Variants in CLYBL observed in about 807,000 individuals in gnomAD.
CLYBL encodes citramalyl-CoA lyase.
In CLYBL, 31 loss-of-function variants were observed where a neutral mutation model predicts 38.9. The ratio of observed to expected loss-of-function variants is 0.80; its 90% CI spans 0.60 to 1.08. The LOEUF (loss-of-function observed/expected upper bound fraction) is 1.08, where lower values mean the gene tolerates loss of function less well. CLYBL is among the 50% of genes least tolerant of loss of function. The probability of loss-of-function intolerance (pLI) is 0.00; values close to 1 mark genes in which losing one functional copy is unlikely to be tolerated. For synonymous variants in CLYBL, 171 were observed against 158.6 expected (o/e 1.08, Z -0.59); for missense variants, 434 against 411.6 (o/e 1.05, Z -0.47).
intron 2 of CLYBL, among the ~76,000 whole-genome samples, chr13:99,838,599 A>G (rs2050993492): frequency 6.6e-6 from 1 of 152,202 alleles, no homozygotes; most frequent in Admixed American, 6.5e-5. Context: ...TAAATGCTGT[A>G]ATCTTCCCAT....
intron 1 of CLYBL, among the ~76,000 whole-genome samples, chr13:99,621,827 T>C (rs980057799): frequency 6.6e-6 from 1 of 152,112 alleles, no homozygotes; most frequent in African/African-American, 2.4e-5. Context: ...ACAATTCTTC[T>C]TCCAGTGTGG....
rs113239656 is a variant in CLYBL at position 99,739,925 on chromosome 13, C to A, written c.63-32899C>A. 2.0e-5 allele frequency among the ~76,000 whole-genome samples: 3 copies of A among 151,906 alleles called. No homozygotes were observed. In the East Asian group the frequency reaches 5.8e-4, roughly 29 times the overall value. On this transcript the variant is annotated intron_variant, in intron 1 of 8. Coordinates refer to ENST00000339105, the MANE Select transcript of CLYBL (RefSeq NM_206808.5). ...GGCGGAGGTTGCAGTGAGTCAAGAT[C>A]GTACCATTGCACTCCGGCCTGGGCA...
intron 2 of CLYBL, among the ~76,000 whole-genome samples, chr13:99,840,088 G>A (rs1385248468): frequency 2.0e-5 from 3 of 151,236 alleles, no homozygotes; most frequent in South Asian, 4.2e-4. Flanking sequence ...GGAACTCTGA[G>A]GGCTTCAAAC....
intron 1 of CLYBL, among the ~76,000 whole-genome samples, chr13:99,608,643 G>T (rs938983087): frequency 3.9e-5 from 6 of 152,086 alleles, no homozygotes; most frequent in African/African-American, 9.7e-5. Context: ...ACGCCAGTAC[G>T]CTGGGGGTTA....
At chr13:99,621,963 G>A (rs1017724210) in intron 1 of CLYBL, among the ~76,000 whole-genome samples, 3 of 152,214 alleles carry the variant, frequency 2.0e-5, no homozygotes, top group Non-Finnish European at 2.9e-5. Context: ...TTACAGGGAT[G>A]GAGAGTGTTC....
intron 6 of CLYBL, among the ~76,000 whole-genome samples, chr13:99,868,088 TA>T (rs141339672): frequency 1.2e-3 from 178 of 149,396 alleles, no homozygotes; most frequent in African/African-American, 4.0e-3. Flanking sequence ...ATTAAATCGC[TA>T]AAAAAAAAGG....
chr13:99,677,102 G>A (rs76799525), intron 1 of CLYBL, among the ~76,000 whole-genome samples: 1,626 of 152,084 alleles, frequency 0.011, 32 homozygotes, highest in African/African-American at 0.037. Flanking sequence ...CTGTGTATAC[G>A]GTCATTTTTA....
chr13:99,847,536 T>A (rs1344749196), intron 2 of CLYBL, among the ~76,000 whole-genome samples: 1 of 152,228 alleles, frequency 6.6e-6, no homozygotes, highest in African/African-American at 2.4e-5. Flanking sequence ...CTACCTTCTC[T>A]TTCCTCACTG....
chr13:99,874,013 C>A (rs751185850), intron 7 of CLYBL, among the ~76,000 whole-genome samples: 1 of 152,172 alleles, frequency 6.6e-6, no homozygotes, highest in African/African-American at 2.4e-5. Flanking sequence ...GGCAGCGATT[C>A]TTGTGGCTGC....
chr13:99,682,859 C>T (rs899056123), intron 1 of CLYBL, among the ~76,000 whole-genome samples: 1 of 151,700 alleles, frequency 6.6e-6, no homozygotes, highest in East Asian at 1.9e-4. Context: ...GTCTCAGCCT[C>T]CTGAGTAGCT....
At chr13:99,891,709 C>T (rs532285420) in intron 8 of CLYBL, 44 of 272,468 alleles carry the variant, frequency 1.6e-4, no homozygotes, top group African/African-American at 8.8e-4. Flanking sequence ...GGCTGTGAGG[C>T]GAAGGTAGGT....
chr13:99,673,400 G>A (rs1187150647), intron 1 of CLYBL, among the ~76,000 whole-genome samples: 12 of 132,840 alleles, frequency 9.0e-5, no homozygotes, highest in African/African-American at 3.4e-4. Context: ...GCGACAGAGC[G>A]AGACTCCGTC....
At chr13:99,681,250 A>G (rs991037189) in intron 1 of CLYBL, among the ~76,000 whole-genome samples, 6 of 152,152 alleles carry the variant, frequency 3.9e-5, no homozygotes, top group Admixed American at 2.6e-4. Flanking sequence ...CTAGTATCGT[A>G]CCCATGTTAC....
intron 1 of CLYBL, among the ~76,000 whole-genome samples, chr13:99,623,209 A>G (rs923977658): frequency 2.0e-5 from 3 of 152,198 alleles, no homozygotes; most frequent in Non-Finnish European, 4.4e-5. Context: ...GCACCATTTT[A>G]CATTCCACCA....
chr13:99,823,324 G>A (rs550715228), intron 2 of CLYBL, among the ~76,000 whole-genome samples: 1 of 152,272 alleles, frequency 6.6e-6, no homozygotes, highest in Admixed American at 6.5e-5. Flanking sequence ...AGCCTACCAA[G>A]TAGCTGAGAC....
At chr13:99,875,248 A>G (rs2052007575) in intron 7 of CLYBL, among the ~76,000 whole-genome samples, 1 of 152,246 alleles carries the variant, frequency 6.6e-6, no homozygotes, top group African/African-American at 2.4e-5. Flanking sequence ...CATTTCACTC[A>G]GGAGAGAAAA....
rs887825611 is a variant in CLYBL at position 99,608,760 on chromosome 13, G to A, written c.62+2003G>A. ...TTTTTTTTCCTTTGAGCATTTTAAAGCGTATTATCGCACTGTCTTTTTGCC... is the reference window on the plus strand; with the variant it reads ...TTTTTTTTCCTTTGAGCATTTTAAAACGTATTATCGCACTGTCTTTTTGCC... On this transcript the variant is annotated intron_variant, in intron 1 of 8. Coordinates refer to ENST00000339105, the MANE Select transcript of CLYBL (RefSeq NM_206808.5). 2.7e-5 allele frequency among the ~76,000 whole-genome samples: 4 copies of A among 150,700 alleles called. No individual in the cohort carries two copies. The South Asian group carries it at 8.4e-4, about 32-fold the overall frequency.
intron 1 of CLYBL, among the ~76,000 whole-genome samples, chr13:99,693,571 C>G (rs973523475): frequency 6.6e-6 from 1 of 152,038 alleles, no homozygotes; most frequent in African/African-American, 2.4e-5. Context: ...GTGACCCACT[C>G]TGGTTTATGC....
intron 1 of CLYBL, among the ~76,000 whole-genome samples, chr13:99,634,329 TCTGA>T (rs1395396735): frequency 2.0e-5 from 3 of 152,240 alleles, no homozygotes; most frequent in African/African-American, 2.4e-5. Flanking sequence ...TTGCAAAGAA[TCTGA>T]CTATGAGAAA....
Sources: gnomAD v4.1 joint callset for allele counts (sites outside exome capture counted in the v4.1 genomes callset) on GRCh38, gnomAD v4.1.1 for gene constraint, MANE v1.5 for transcripts, NCBI Gene and HGNC (gene_info 2026-07-23, HGNC 2026-07-21) for gene names.